MID2: variants seen among roughly 807,000 people sequenced by gnomAD.
MID2 encodes midline 2, also known as probable E3 ubiquitin-protein ligase MID2.
A neutral mutation model predicts 46.1 loss-of-function variants in MID2; 13 were observed. The ratio of observed to expected loss-of-function variants is 0.28; its 90% CI spans 0.18 to 0.45. The LOEUF (loss-of-function observed/expected upper bound fraction) is 0.45. Among genes scored for constraint, MID2 ranks in the 20% least tolerant of loss-of-function variants. The probability of loss-of-function intolerance (pLI) is 1.00; values close to 1 mark genes in which losing one functional copy is unlikely to be tolerated. For missense variants in MID2, 431 were observed against 575.4 expected, an observed-to-expected ratio of 0.75 and a Z score of 2.57; for synonymous variants, 199 against 212.3, an observed-to-expected ratio of 0.94 and a Z score of 0.55.
intron 3 of MID2, among the ~76,000 whole-genome samples, chrX:107,894,221 GGCTT>G (rs1159121276): frequency 9.0e-6 from 1 of 110,873 alleles, no homozygotes; most frequent in East Asian, 2.8e-4. Context: ...CCCAGCACAT[GGCTT>G]GGTACACGAA....
intron 1 of MID2, among the ~76,000 whole-genome samples, chrX:107,832,041 A>G (rs1040520115): frequency 8.0e-5 from 9 of 112,561 alleles, no homozygotes; most frequent in Non-Finnish European, 1.7e-4. Flanking sequence ...TTTAATGTTT[A>G]TATGATGACT....
intron 3 of MID2, among the ~76,000 whole-genome samples, chrX:107,859,312 G>C (rs1289349436): frequency 8.9e-6 from 1 of 112,156 alleles, no homozygotes; most frequent in Non-Finnish European, 1.9e-5. Flanking sequence ...TAAACCATTA[G>C]AGCACAAATA....
In MID2 at chrX:107,928,706, C is replaced by A; in HGVS notation, c.*1633C>A. On this transcript the variant is annotated 3_prime_UTR_variant, in exon 10 of 10. Transcript: ENST00000262843. ...ACATATTAACAAAATGCTCTACCTG[C>A]TGCCAAATGGCTTACTATTCTGTGG... Among the ~76,000 whole-genome samples, 1 of 111,806 alleles carries A rather than the reference C, an allele frequency of 8.9e-6. No homozygotes were observed. The highest frequency in any genetic ancestry group is 1.9e-5 in the Non-Finnish European group (1 of 53,085).
At chrX:107,885,437 A>C (rs1044588612) in intron 3 of MID2, among the ~76,000 whole-genome samples, 13 of 110,282 alleles carry the variant, frequency 1.2e-4, no homozygotes, top group Admixed American at 2.9e-4. Flanking sequence ...CATGTCCCTA[A>C]AAAGGACATG....
Position 107,869,855 on chromosome X carries a change from G to A in MID2, c.816+15151G>A, listed in dbSNP as rs553942748. On this transcript the variant is annotated intron_variant, in intron 3 of 9. Transcript: ENST00000262843. ...ATTTAAAAAAAAAACCTAGAGTCTC[G>A]GGTTTATCTGAGGCACTTATATCTC... is the stretch of plus-strand genomic sequence containing the variant. Among the ~76,000 whole-genome samples the A allele has an allele frequency of 6.5e-5, 7 of 108,030 alleles. No homozygotes were observed. In the South Asian group the frequency reaches 1.6e-3, roughly 25 times the overall value. 93.8% of individuals were successfully genotyped at this position (108,030 alleles called of 115,157 possible).
At chrX:107,883,365 C>T (rs934608158) in intron 3 of MID2, among the ~76,000 whole-genome samples, 1 of 111,068 alleles carries the variant, frequency 9.0e-6, no homozygotes, top group Non-Finnish European at 1.9e-5. Context: ...AAAAATGCCT[C>T]AGCAGAAAAA....
At chrX:107,855,139 C>A (rs1015428029) in intron 3 of MID2, among the ~76,000 whole-genome samples, 3 of 111,244 alleles carry the variant, frequency 2.7e-5, no homozygotes, top group African/African-American at 9.8e-5. Flanking sequence ...GACTGCTTCT[C>A]CTCTTTCGAG....
At chrX:107,859,222 A>T (rs182827914) in intron 3 of MID2, among the ~76,000 whole-genome samples, 2 of 112,170 alleles carry the variant, frequency 1.8e-5, no homozygotes, top group African/African-American at 3.2e-5. Flanking sequence ...AAATTAATTT[A>T]AAAAACACTG....
At chrX:107,882,505 G>GAA (rs201112582) in intron 3 of MID2, among the ~76,000 whole-genome samples, 1 of 110,193 alleles carries the variant, frequency 9.1e-6, no homozygotes, top group African/African-American at 3.3e-5. Context: ...AAATTTACAA[G>GAA]AAAAAAAACA....
rs771166577 is a variant in MID2, at chrX:107,928,426, G to A, written c.*1353G>A. On this transcript the variant is annotated 3_prime_UTR_variant, in exon 10 of 10. Transcript: ENST00000262843. ...TGATTTTTTTTTTTAAATTTCCATC[G>A]AAGGGATTGGGGATGTCAGAGAGCC... Among the ~76,000 whole-genome samples the A allele has an allele frequency of 2.7e-5, 3 of 110,379 alleles. No homozygotes were observed. Among genetic ancestry groups the A allele is most frequent in the African/African-American group, 9.9e-5 (3 of 30,376 alleles).
At chrX:107,850,343 G>A (rs1931585238) in intron 2 of MID2, among the ~76,000 whole-genome samples, 1 of 111,451 alleles carries the variant, frequency 9.0e-6, no homozygotes, top group African/African-American at 3.3e-5. Flanking sequence ...GGCATGATAA[G>A]GAAGAGTGAC....
chrX:107,836,625 C>T (rs763176382), intron 1 of MID2, among the ~76,000 whole-genome samples: 4 of 109,281 alleles, frequency 3.7e-5, no homozygotes, highest in Admixed American at 2.9e-4. Context: ...TGAGGCAATG[C>T]GCATAAAGGG....
rs139203816 is a variant in MID2, at chrX:107,859,677, C to T, written c.816+4973C>T. 4.1e-3 allele frequency among the ~76,000 whole-genome samples: 466 copies of T among 112,425 alleles called. 2 individuals are homozygous for T. Among genetic ancestry groups the T allele is most frequent in the African/African-American group, 0.014 (447 of 31,006 alleles). On this transcript the variant is annotated intron_variant, in intron 3 of 9. Coordinates refer to ENST00000262843, the MANE Select transcript of MID2 (RefSeq NM_012216.4). The stretch of plus-strand genomic sequence containing the variant: ...TAGCATGGAGGAGGAAACACTCAGG[C>T]CTGCCTGAGAAACTTAGGAAAGGCT...
Position 107,924,429 on chromosome X carries a change from C to T in MID2, c.1522C>T (p.Arg508Cys), listed in dbSNP as rs1322455426. ...AGTGCATGGACTCCAGAGCGGGACT[C>T]GCTACATCTTCATCGTTAAAGCCAT... ...YTVHGLQSGT[R>C]YIFIVKAINQ... Residue 508 changes from arginine to cysteine, a missense_variant, in exon 8 of 10, where the codon CGC becomes TGC. Physicochemically the swap from Arg to Cys is radical, Grantham distance 180 (BLOSUM62 -3). Transcript: ENST00000262843. 1.7e-6 allele frequency: 2 copies of T among 1,211,309 alleles called. No homozygotes were observed. Among genetic ancestry groups the T allele is most frequent in the Non-Finnish European group, 2.2e-6 (2 of 895,057 alleles).
intron 1 of MID2, among the ~76,000 whole-genome samples, chrX:107,827,647 T>C (rs1930985047): frequency 9.0e-6 from 1 of 110,878 alleles, no homozygotes; most frequent in African/African-American, 3.3e-5. Context: ...AATATTCCAA[T>C]AGAAGGGAGT....
chrX:107,877,470 T>C (rs535165305), intron 3 of MID2, among the ~76,000 whole-genome samples: 1 of 112,132 alleles, frequency 8.9e-6, no homozygotes, highest in Admixed American at 9.4e-5. Context: ...CTTCTTTCAG[T>C]GAAAACTTGA....
At chrX:107,881,295 C>G (rs1932312021) in intron 3 of MID2, among the ~76,000 whole-genome samples, 1 of 112,355 alleles carries the variant, frequency 8.9e-6, no homozygotes, top group Admixed American at 9.4e-5. Flanking sequence ...GGCATAGTAC[C>G]CCTGTTACAA....
intron 1 of MID2, among the ~76,000 whole-genome samples, chrX:107,827,439 T>C (rs1411446947): frequency 9.0e-6 from 1 of 111,173 alleles, no homozygotes; most frequent in Non-Finnish European, 1.9e-5. Context: ...CTTTGCCTTT[T>C]TGAGGATTTC....
chrX:107,857,442 G>A (rs905033770), intron 3 of MID2, among the ~76,000 whole-genome samples: 7 of 111,508 alleles, frequency 6.3e-5, no homozygotes, highest in Admixed American at 4.7e-4. Context: ...CACCATGCCC[G>A]CCTAATTTCT....
Sources: gnomAD v4.1 joint callset for allele counts (sites outside exome capture counted in the v4.1 genomes callset) on GRCh38, gnomAD v4.1.1 for gene constraint, MANE v1.5 for transcripts, NCBI Gene and HGNC (gene_info 2026-07-23, HGNC 2026-07-21) for gene names.